COL28A1: variants seen among roughly 807,000 people sequenced by gnomAD.
COL28A1 encodes collagen type XXVIII alpha 1 chain, also known as collagen alpha-1(XXVIII) chain.
A neutral mutation model predicts 150.2 loss-of-function variants in COL28A1; 161 were observed. The observed-to-expected ratio is 1.07, with a 90% CI of 0.94 to 1.22. COL28A1 has a LOEUF of 1.22. COL28A1 is among the 50% of genes most tolerant of loss of function. The probability of loss-of-function intolerance (pLI) is 0.00; values close to 1 mark genes in which losing one functional copy is unlikely to be tolerated. For synonymous variants in COL28A1, 552 were observed against 469.7 expected (o/e 1.18, Z -2.26); for missense variants, 1,617 against 1,388.3 (o/e 1.16, Z -2.62).
At chr7:7,400,483 C>A (rs1783109068) in intron 27 of COL28A1, among the ~76,000 whole-genome samples, 1 of 152,104 alleles carries the variant, frequency 6.6e-6, no homozygotes, top group Non-Finnish European at 1.5e-5. Flanking sequence ...ATGTATTCTC[C>A]CCTAGCAGAG....
intron 11 of COL28A1, among the ~76,000 whole-genome samples, chr7:7,494,241 A>C (rs945079901): frequency 2.6e-5 from 4 of 152,162 alleles, no homozygotes; most frequent in Non-Finnish European, 5.9e-5. Flanking sequence ...TCTAACAATC[A>C]TAGGAAATAG....
At chr7:7,374,168 TCC>T (rs1309564256) in intron 31 of COL28A1, among the ~76,000 whole-genome samples, 1 of 151,728 alleles carries the variant, frequency 6.6e-6, no homozygotes, top group African/African-American at 2.4e-5. Flanking sequence ...GTGGATGCCG[TCC>T]CAATAACATT....
At chr7:7,464,915 G>A (rs1419355745) in intron 15 of COL28A1, among the ~76,000 whole-genome samples, 2 of 152,038 alleles carry the variant, frequency 1.3e-5, no homozygotes, top group African/African-American at 4.8e-5. Flanking sequence ...AGAAAAGAAG[G>A]GAGAAAATCC....
chr7:7,437,305 C>G (rs1469938785), intron 22 of COL28A1, 89 bp downstream of exon 22: 4 of 1,489,320 alleles, frequency 2.7e-6, no homozygotes, highest in East Asian at 2.4e-5. Flanking sequence ...TCTTCCAAAA[C>G]TAAAATTCTA....
chr7:7,386,620 G>T (rs181308279), intron 27 of COL28A1, among the ~76,000 whole-genome samples: 179 of 152,294 alleles, frequency 1.2e-3, no homozygotes, highest in African/African-American at 4.2e-3. Context: ...CTGAGTGTGG[G>T]ATAGCAGGAG....
intron 25 of COL28A1, among the ~76,000 whole-genome samples, chr7:7,426,937 AT>A (rs1784670525): frequency 6.6e-6 from 1 of 152,176 alleles, no homozygotes; most frequent in African/African-American, 2.4e-5. Flanking sequence ...CTAAAACTGA[AT>A]ATAATTTTCC....
intron 27 of COL28A1, 177 bp downstream of exon 27, chr7:7,417,682 T>C (rs1250583186): frequency 9.2e-6 from 6 of 654,486 alleles, no homozygotes; most frequent in Non-Finnish European, 1.6e-5. Flanking sequence ...TGCTGAAGTA[T>C]TGTACTCATA....
rs1301613949 is a variant in COL28A1, at chr7:7,417,846, C to T, written c.2136+13G>A. ...AAATCAGAGGTGACTCCAGCACAACCCTATTCACTTACTTTAATTCCCTGT... is the reference window on the plus strand; with the variant it reads ...AAATCAGAGGTGACTCCAGCACAACTCTATTCACTTACTTTAATTCCCTGT... On this transcript the variant is annotated intron_variant, in intron 27 of 34. Coordinates refer to ENST00000399429, the MANE Select transcript of COL28A1 (RefSeq NM_001037763.3). 3 of 1,611,050 alleles carry T rather than the reference C, an allele frequency of 1.9e-6. No homozygotes were observed. The highest frequency in any genetic ancestry group is 1.3e-5 in the African/African-American group (1 of 74,840).
intron 27 of COL28A1, among the ~76,000 whole-genome samples, chr7:7,382,197 C>G (rs1685919889): frequency 6.6e-6 from 1 of 151,896 alleles, no homozygotes; most frequent in Non-Finnish European, 1.5e-5. Context: ...GTAGTCCCAG[C>G]TATGCAGGCG....
chr7:7,372,901 C>G, intron 32 of COL28A1, 97 bp downstream of exon 32: 1 of 959,450 alleles, frequency 1.0e-6, no homozygotes, highest in Non-Finnish European at 1.6e-6. Context: ...GCCTTATTAG[C>G]CTCCAGATTT....
upstream of COL28A1, among the ~76,000 whole-genome samples, chr7:7,536,267 T>C (rs2115279852): frequency 6.6e-6 from 1 of 152,272 alleles, no homozygotes; most frequent in Middle Eastern, 3.4e-3. Context: ...GGATGATGAG[T>C]ACATAGGTGT....
chr7:7,431,589 G>A, intron 25 of COL28A1: 1 of 471,180 alleles, frequency 2.1e-6, no homozygotes, highest in East Asian at 6.9e-5. Context: ...AGGGAGAAAT[G>A]ACAGAAGCTG....
intron 20 of COL28A1, among the ~76,000 whole-genome samples, chr7:7,441,708 C>T (rs553272019): frequency 1.3e-5 from 2 of 152,244 alleles, no homozygotes; most frequent in Non-Finnish European, 2.9e-5. Flanking sequence ...GAGGTCCAAA[C>T]ATTTGCATTT....
chr7:7,388,827 C>T (rs999218371), intron 27 of COL28A1, among the ~76,000 whole-genome samples: 1 of 152,094 alleles, frequency 6.6e-6, no homozygotes, highest in African/African-American at 2.4e-5. Context: ...TGTTCATATC[C>T]TTCACCCACT....
chr7:7,446,247 T>G (rs1376728338), intron 18 of COL28A1, among the ~76,000 whole-genome samples: 1 of 152,110 alleles, frequency 6.6e-6, no homozygotes, highest in Non-Finnish European at 1.5e-5. Context: ...TTTTAAAAGA[T>G]ATCAATAAAC....
chr7:7,384,631 T>C (rs565180657), intron 27 of COL28A1, among the ~76,000 whole-genome samples: 2 of 152,294 alleles, frequency 1.3e-5, no homozygotes, highest in Non-Finnish European at 2.9e-5. Context: ...ACATAGCATA[T>C]TTAGGGTTTG....
chr7:7,392,854 T>C (rs187725975), intron 27 of COL28A1, among the ~76,000 whole-genome samples: 79 of 152,314 alleles, frequency 5.2e-4, no homozygotes, highest in African/African-American at 1.9e-3. Flanking sequence ...TCTAAGCTAG[T>C]TATTCTAGTT....
intron 3 of COL28A1, among the ~76,000 whole-genome samples, chr7:7,527,508 G>A (rs1782094269): frequency 6.6e-6 from 1 of 152,206 alleles, no homozygotes; most frequent in African/African-American, 2.4e-5. Flanking sequence ...GGGAGTGGAT[G>A]GAAGGGCCCA....
the COL28A1 span, among the ~76,000 whole-genome samples, chr7:7,345,108 G>C: frequency 6.6e-6 from 1 of 151,976 alleles, no homozygotes; most frequent in Non-Finnish European, 1.5e-5. Context: ...ATTTGCAAAA[G>C]CAGCACCATA....
Sources: gnomAD v4.1 joint callset for allele counts (sites outside exome capture counted in the v4.1 genomes callset) on GRCh38, gnomAD v4.1.1 for gene constraint, MANE v1.5 for transcripts, NCBI Gene and HGNC (gene_info 2026-07-23, HGNC 2026-07-21) for gene names.